The following KATNBL1 variants were observed in gnomAD, a reference collection of about 807,000 sequenced individuals.
KATNBL1 encodes the protein KATNB1-like protein 1.
KATNBL1 carries 28 observed loss-of-function variants against 44.7 expected under a neutral mutation model. The observed-to-expected ratio is 0.63, with a 90% CI of 0.46 to 0.86. The LOEUF is 0.86. KATNBL1 is among the 40% of genes least tolerant of loss of function. KATNBL1 has a pLI of 0.00. For synonymous variants in KATNBL1, 78 were observed against 114.9 expected (o/e 0.68, Z 2.06); for missense variants, 272 against 350.7 (o/e 0.78, Z 1.79).
intron 1 of KATNBL1, among the ~76,000 whole-genome samples, chr15:34,192,927 C>T (rs73380157): frequency 0.21 from 31,335 of 152,008 alleles, 4,040 homozygotes; most frequent in African/African-American, 0.37. Flanking sequence ...TTAAAAATAA[C>T]TTAAGGCTTG....
intron 1 of KATNBL1, among the ~76,000 whole-genome samples, chr15:34,163,966 C>T (rs1472803273): frequency 1.3e-5 from 2 of 151,642 alleles, no homozygotes. Flanking sequence ...GATCTTGGCT[C>T]ATTGCAACCT....
intron 1 of KATNBL1, among the ~76,000 whole-genome samples, chr15:34,176,859 G>C (rs1205597198): frequency 6.6e-6 from 1 of 152,090 alleles, no homozygotes; most frequent in Non-Finnish European, 1.5e-5. Flanking sequence ...CAGCACCTTT[G>C]TTGGGGCAAC....
At chr15:34,157,028 G>T (rs899785765) in intron 2 of KATNBL1, among the ~76,000 whole-genome samples, 1 of 152,200 alleles carries the variant, frequency 6.6e-6, no homozygotes, top group Non-Finnish European at 1.5e-5. Flanking sequence ...ACTTATCCCA[G>T]TTAACAGAAT....
intron 1 of KATNBL1, among the ~76,000 whole-genome samples, chr15:34,170,614 G>C (rs1889129563): frequency 6.6e-6 from 1 of 152,162 alleles, no homozygotes; most frequent in Admixed American, 6.5e-5. Context: ...AACCAAAAAA[G>C]AGCCTGCATT....
At chr15:34,188,969 G>T (rs1889799950) in intron 1 of KATNBL1, among the ~76,000 whole-genome samples, 1 of 152,236 alleles carries the variant, frequency 6.6e-6, no homozygotes, top group Non-Finnish European at 1.5e-5. Context: ...ATGTAACAAA[G>T]ACGTCATTAC....
At chr15:34,165,710 C>T (rs1478096437) in intron 1 of KATNBL1, among the ~76,000 whole-genome samples, 2 of 152,152 alleles carry the variant, frequency 1.3e-5, no homozygotes, top group Non-Finnish European at 2.9e-5. Flanking sequence ...AGGAGAATCG[C>T]TTGAACCCGG....
intron 2 of KATNBL1, chr15:34,154,902 T>C: frequency 3.7e-6 from 2 of 542,006 alleles, no homozygotes; most frequent in Non-Finnish European, 6.6e-6. Context: ...CATTCCCCTA[T>C]TGGCTAGGGT....
At chr15:34,169,127 C>CA (rs900026290) in intron 1 of KATNBL1, among the ~76,000 whole-genome samples, 21 of 151,752 alleles carry the variant, frequency 1.4e-4, no homozygotes, top group African/African-American at 3.6e-4. Context: ...AAAAACCCTT[C>CA]AAAAAAAATC....
chr15:34,192,222 G>C (rs1407167371), intron 1 of KATNBL1, among the ~76,000 whole-genome samples: 4 of 151,974 alleles, frequency 2.6e-5, no homozygotes, highest in African/African-American at 9.7e-5. Flanking sequence ...AGCTAACACG[G>C]TGAAACCCTG....
intron 1 of KATNBL1, among the ~76,000 whole-genome samples, chr15:34,206,895 A>T (rs1366380991): frequency 6.6e-6 from 1 of 152,216 alleles, no homozygotes; most frequent in Admixed American, 6.5e-5. Context: ...GTGTTTAATT[A>T]AAAAACATTA....
rs1271221788 is a variant in KATNBL1 at position 34,140,904 on chromosome 15, AAAACCAG to A, written c.*1428_*1434del. ...CTAGCTATATAAAATATAGCTACAC[AAAACCAG>A]AACTCAGTGAAACATAACTTTTAAG... On this transcript the variant is annotated 3_prime_UTR_variant, in exon 10 of 10. Coordinates refer to ENST00000256544, the MANE Select transcript of KATNBL1 (RefSeq NM_024713.3). The A allele has an allele frequency of 6.6e-6, 1 of 152,170 alleles. No individual in the cohort carries two copies. Among genetic ancestry groups the A allele is most frequent in the African/African-American group, 2.4e-5 (1 of 41,458 alleles). The allele number at this position is 152,170 out of a possible 1,614,324, so 9.4% of individuals were successfully genotyped here.
intron 1 of KATNBL1, among the ~76,000 whole-genome samples, chr15:34,180,333 T>C (rs1889480597): frequency 2.0e-5 from 3 of 152,134 alleles, no homozygotes. Flanking sequence ...ATGATGCTCA[T>C]CAAAGTCAGC....
intron 1 of KATNBL1, among the ~76,000 whole-genome samples, chr15:34,197,378 A>G (rs1444246011): frequency 1.3e-5 from 2 of 152,198 alleles, no homozygotes; most frequent in African/African-American, 4.8e-5. Context: ...CTAATCTCCT[A>G]TTTTCAGAAT....
chr15:34,195,417 T>C (rs747215657), intron 1 of KATNBL1, among the ~76,000 whole-genome samples: 19 of 152,088 alleles, frequency 1.2e-4, no homozygotes, highest in Non-Finnish European at 2.4e-4. Flanking sequence ...TAATAGAGAA[T>C]GGAGACTCAG....
intron 6 of KATNBL1, 40 bp downstream of exon 6, chr15:34,147,340 C>T: frequency 6.2e-7 from 1 of 1,601,338 alleles, no homozygotes; most frequent in Non-Finnish European, 8.6e-7. Context: ...AATTTGACCT[C>T]CTTTAATCTT....
At chr15:34,161,915 G>A (rs1888820555) in intron 2 of KATNBL1, among the ~76,000 whole-genome samples, 1 of 152,102 alleles carries the variant, frequency 6.6e-6, no homozygotes, top group Non-Finnish European at 1.5e-5. Flanking sequence ...AAAATATAAG[G>A]AAGCTGAACA....
intron 1 of KATNBL1, among the ~76,000 whole-genome samples, chr15:34,207,019 T>C (rs573647952): frequency 1.1e-4 from 15 of 140,878 alleles, no homozygotes; most frequent in Non-Finnish European, 2.2e-4. Flanking sequence ...TGATGCATCT[T>C]GTTGTTACTA....
intron 1 of KATNBL1, among the ~76,000 whole-genome samples, chr15:34,194,190 T>C (rs1889970683): frequency 6.6e-6 from 1 of 152,328 alleles, no homozygotes; most frequent in Admixed American, 6.5e-5. Flanking sequence ...TCCACCTGCC[T>C]TGGGCTCACA....
At chr15:34,187,122 T>C (rs1889739397) in intron 1 of KATNBL1, among the ~76,000 whole-genome samples, 1 of 152,136 alleles carries the variant, frequency 6.6e-6, no homozygotes, top group African/African-American at 2.4e-5. Flanking sequence ...TTGGAGAAGA[T>C]GGGACCACCA....
Sources: gnomAD v4.1 joint callset for allele counts (sites outside exome capture counted in the v4.1 genomes callset) on GRCh38, gnomAD v4.1.1 for gene constraint, MANE v1.5 for transcripts, NCBI Gene and HGNC (gene_info 2026-07-23, HGNC 2026-07-21) for gene names.